The following RFX1 variants were observed in gnomAD, a reference collection of about 807,000 sequenced individuals.
The protein encoded by RFX1 is regulatory factor X1, also known as MHC class II regulatory factor RFX1.
RFX1 carries 42 observed loss-of-function variants against 119.6 expected under a neutral mutation model. The ratio of observed to expected loss-of-function variants is 0.35; its 90% CI spans 0.27 to 0.45. RFX1 has a LOEUF of 0.45. Ranked by LOEUF, RFX1 falls within the 20% of genes least tolerant of loss-of-function variation. RFX1 has a pLI of 1.00. For missense variants in RFX1, 1,118 were observed against 1,368.1 expected (o/e 0.82, Z 2.88); for synonymous variants, 628 against 618.5 (o/e 1.02, Z -0.23).
In RFX1 at chr19:14,002,742, T is replaced by A. The variant is rs372380646; in HGVS notation, c.-53+3361A>T. 4.9e-4 allele frequency among the ~76,000 whole-genome samples: 75 copies of A among 152,236 alleles called. 2 individuals carry two copies. The East Asian group carries it at 5.4e-3, about 11-fold the overall frequency. ...CCTGGGAAGCAGGTGGGAGAAAGTC[T>A]TTCTCGCCTAGGAAGACCACGTCCT... On this transcript the variant is annotated intron_variant, in intron 1 of 20. Transcript: ENST00000254325.
At chr19:13,989,812 C>T (rs998954495) in intron 2 of RFX1, among the ~76,000 whole-genome samples, 1 of 151,680 alleles carries the variant, frequency 6.6e-6, no homozygotes, top group Non-Finnish European at 1.5e-5. Flanking sequence ...AGGGGTCAGA[C>T]TGTGAGGGCG....
intron 1 of RFX1, among the ~76,000 whole-genome samples, chr19:14,005,704 G>A (rs1975348369): frequency 6.6e-6 from 1 of 152,172 alleles, no homozygotes; most frequent in Admixed American, 6.5e-5. Flanking sequence ...CCGAGGTGGA[G>A]GTTGGGGAGA....
In RFX1 at chr19:13,972,833, G is replaced by A. The variant is rs759285945; in HGVS notation, c.1224C>T (p.Ser408=). ...CTTGGATCACGTAGGTGCCTGCTCC[G>A]CTGCCGCCGCCTCCGGTGCTGCCAC... is the stretch of plus-strand genomic sequence containing the variant. ...GGSGSTGGGG[S]GAGTYVIQGG... is the part of the protein sequence containing the mutation. Residue 408 remains serine, a synonymous_variant, in exon 9 of 21, where the codon AGC becomes AGT. Coordinates refer to ENST00000254325, the MANE Select transcript of RFX1 (RefSeq NM_002918.5). 5.7e-6 allele frequency: 9 copies of A among 1,592,306 alleles called. No individual in the cohort carries two copies. The highest frequency in any genetic ancestry group is 2.0e-4 in the Middle Eastern group (1 of 5,074).
At chr19:14,001,689 T>C (rs750857144) in intron 1 of RFX1, among the ~76,000 whole-genome samples, 9 of 152,252 alleles carry the variant, frequency 5.9e-5, no homozygotes, top group Non-Finnish European at 1.0e-4. Flanking sequence ...GCCTGGTCTC[T>C]GTCTCAGCTC....
intron 2 of RFX1, 58 bp downstream of exon 2, chr19:13,993,467 C>G (rs1445360385): frequency 1.3e-6 from 2 of 1,531,654 alleles, no homozygotes; most frequent in East Asian, 2.3e-5. Flanking sequence ...CACCCAGGGT[C>G]TAGGCTATCT....
intron 2 of RFX1, 55 bp from the exon 3 acceptor site, chr19:13,983,650 A>C (rs1974508937): frequency 6.9e-7 from 1 of 1,440,050 alleles, no homozygotes; most frequent in African/African-American, 1.4e-5. Flanking sequence ...CCCCAGCCTA[A>C]GCCTGAGCCC....
chr19:13,962,719 G>T lies in RFX1; in HGVS notation c.2916C>A (p.Phe972Leu), dbSNP rs1048495559. 40 of 1,529,428 alleles carry T rather than the reference G, an allele frequency of 2.6e-5. No individual in the cohort carries two copies. The highest frequency in any genetic ancestry group is 3.4e-5 in the Non-Finnish European group (39 of 1,143,978). The allele number at this position is 1,529,428 out of a possible 1,614,324, so 94.7% of individuals were successfully genotyped here. ...CTTAGCTGGAGGGCAGCGCCTGCAC[G>T]AAGAGGCCGCGCGCGTCAGTCCGCG... is the stretch of plus-strand genomic sequence containing the variant. ...KLARTDARGL[F>L]VQALPSS is the part of the protein sequence containing the mutation. The change falls in exon 21 of 21, where the codon TTC becomes TTA. Residue 972 changes from phenylalanine to leucine, a missense_variant. Coordinates refer to ENST00000254325, the MANE Select transcript of RFX1 (RefSeq NM_002918.5).
intron 2 of RFX1, among the ~76,000 whole-genome samples, chr19:13,987,479 C>T (rs1207784553): frequency 2.6e-5 from 4 of 152,146 alleles, no homozygotes; most frequent in African/African-American, 4.8e-5. Flanking sequence ...TGGTCAGCTC[C>T]GATTGCTCCT....
intron 5 of RFX1, among the ~76,000 whole-genome samples, chr19:13,981,421 C>A (rs1332686132): frequency 1.3e-5 from 2 of 152,194 alleles, no homozygotes; most frequent in Admixed American, 6.5e-5. Flanking sequence ...CATGGTGAAA[C>A]CCCATCTCTA....
rs756882113 is a variant in RFX1, at chr19:13,986,810, C to T, written c.320-3215G>A. On this transcript the variant is annotated intron_variant, in intron 2 of 20. Coordinates refer to ENST00000254325, the MANE Select transcript of RFX1 (RefSeq NM_002918.5). The surrounding 1 kb of genome is among the most constrained non-coding windows in gnomAD (Gnocchi z 4.2). ...ACCTACTCAAACCTTAAATGAGCTA[C>T]TTGGGGGAGCCCAGGGGAGGCCCTA... Among the ~76,000 whole-genome samples, 1 of 152,120 alleles carries T rather than the reference C, an allele frequency of 6.6e-6. No homozygotes were observed. Among genetic ancestry groups the T allele is most frequent in the South Asian group, 2.1e-4 (1 of 4,832 alleles).
intron 1 of RFX1, among the ~76,000 whole-genome samples, chr19:14,004,048 A>G (rs1975297479): frequency 6.6e-6 from 1 of 152,084 alleles, no homozygotes; most frequent in African/African-American, 2.4e-5. Context: ...AGCTGGGATT[A>G]CAGGCATGTG....
chr19:13,962,968 C>G (rs1421011924), intron 20 of RFX1, 26 bp downstream of exon 20: 1 of 1,549,526 alleles, frequency 6.5e-7, no homozygotes, highest in Non-Finnish European at 8.7e-7. Flanking sequence ...GGACCCGCGC[C>G]CTGGGTGGGA....
intron 2 of RFX1, 79 bp from the exon 3 acceptor site, chr19:13,983,674 G>T (rs1267286967): frequency 2.4e-6 from 3 of 1,247,452 alleles, no homozygotes; most frequent in Non-Finnish European, 2.2e-6. Flanking sequence ...TGGAGGGGAA[G>T]ATGCAGCCTG....
At chr19:13,999,980 C>A (rs1029533221) in intron 1 of RFX1, among the ~76,000 whole-genome samples, 1 of 151,960 alleles carries the variant, frequency 6.6e-6, no homozygotes, top group African/African-American at 2.4e-5. Flanking sequence ...CTGGCCTGAC[C>A]CCTGTTTTGG....
chr19:14,003,223 T>G (rs1367948149), intron 1 of RFX1, among the ~76,000 whole-genome samples: 2 of 152,186 alleles, frequency 1.3e-5, no homozygotes, highest in African/African-American at 4.8e-5. Flanking sequence ...TTACCTCAAG[T>G]GATCCACCCA....
At chr19:13,979,839 C>A (rs1419039348) in intron 6 of RFX1, among the ~76,000 whole-genome samples, 1 of 152,148 alleles carries the variant, frequency 6.6e-6, no homozygotes, top group Non-Finnish European at 1.5e-5. Context: ...GGTTATCTTT[C>A]GTCCCCACAC....
Position 13,993,908 on chromosome 19 carries a change from G to T in RFX1, c.-52-13C>A. ...TTTTTTTTAATTCCTTGGGAAGAAA[G>T]ACGGGGATGGGGGAGAGAAAAACAA... On this transcript the variant is annotated splice_polypyrimidine_tract_variant and intron_variant, in intron 1 of 20. Transcript: ENST00000254325. 1 of 1,284,172 alleles carries T rather than the reference G, an allele frequency of 7.8e-7. No individual in the cohort carries two copies. The highest frequency in any genetic ancestry group is 2.5e-5 in the East Asian group (1 of 39,446). 79.5% of individuals were successfully genotyped at this position (1,284,172 alleles called of 1,614,324 possible). A position where few individuals can be genotyped will look rare whatever the true frequency, so the allele number is the denominator to read the frequency against.
chr19:13,992,192 T>C (rs908649176), intron 2 of RFX1, among the ~76,000 whole-genome samples: 10 of 152,104 alleles, frequency 6.6e-5, no homozygotes, highest in Admixed American at 5.9e-4. Context: ...TAGTCCCAGC[T>C]ACCTACAAGG....
intron 1 of RFX1, among the ~76,000 whole-genome samples, chr19:13,995,543 G>A (rs1420324138): frequency 6.6e-6 from 1 of 152,178 alleles, no homozygotes; most frequent in Non-Finnish European, 1.5e-5. Context: ...GGCAGCTGCG[G>A]CTGACTTCAG....
Sources: gnomAD v4.1 joint callset for allele counts (sites outside exome capture counted in the v4.1 genomes callset) on GRCh38, gnomAD v4.1.1 for gene constraint, Gnocchi (gnomAD v3.1) non-coding constraint, MANE v1.5 for transcripts, NCBI Gene and HGNC (gene_info 2026-07-23, HGNC 2026-07-21) for gene names.